CACNA2D3: variants seen among roughly 807,000 people sequenced by gnomAD.
CACNA2D3 encodes calcium voltage-gated channel auxiliary subunit alpha2delta 3.
A neutral mutation model predicts 160.6 loss-of-function variants in CACNA2D3; 60 were observed. The ratio of observed to expected loss-of-function variants is 0.37; its 90% CI spans 0.30 to 0.46. The LOEUF (loss-of-function observed/expected upper bound fraction) is 0.46, where lower values mean the gene tolerates loss of function less well. Ranked by LOEUF, CACNA2D3 falls within the 20% of genes least tolerant of loss-of-function variation. The probability of loss-of-function intolerance (pLI) is 1.00; values close to 1 mark genes in which losing one functional copy is unlikely to be tolerated. For missense variants in CACNA2D3, 1,205 were observed against 1,365.0 expected, an observed-to-expected ratio of 0.88 and a Z score of 1.85; for synonymous variants, 558 against 492.9, an observed-to-expected ratio of 1.13 and a Z score of -1.75.
intron 34 of CACNA2D3, among the ~76,000 whole-genome samples, chr3:55,017,441 TATTATC>T (rs753760193): frequency 1.7e-4 from 26 of 152,228 alleles, no homozygotes; most frequent in Non-Finnish European, 3.4e-4. Flanking sequence ...TTGCTATTAT[TATTATC>T]ATTATTTGAC....
At chr3:54,385,776 G>T in intron 3 of CACNA2D3, 1 of 389,280 alleles carries the variant, frequency 2.6e-6, no homozygotes, top group Non-Finnish European at 4.9e-6. Context: ...TTAAACTCAG[G>T]CCTATATTAT....
Position 55,073,495 on chromosome 3 carries a change from T to C in CACNA2D3, c.3038T>C (p.Val1013Ala), listed in dbSNP as rs1704864531. Residue 1013 changes from valine to alanine, a missense_variant, in exon 36 of 38, where the codon GTG becomes GCG. By Grantham distance (64) the Val-to-Ala change is moderately conservative. This residue lies in a region of CACNA2D3 where 911 missense variants were observed against 1,002.2 expected (regional missense o/e 0.91). Coordinates refer to ENST00000474759, the MANE Select transcript of CACNA2D3 (RefSeq NM_018398.3). ...IPSSNLFMVV[V>A]DSSCLCESVA... ...AGCAGCAACCTGTTCATGGTGGTGGTGGACAGCAGCTGCCTCTGTGAATCT... is the reference window on the plus strand; with the variant it reads ...AGCAGCAACCTGTTCATGGTGGTGGCGGACAGCAGCTGCCTCTGTGAATCT... 6.2e-7 allele frequency: 1 copy of C among 1,613,930 alleles called. No homozygotes were observed. Among genetic ancestry groups the C allele is most frequent in the African/African-American group, 1.3e-5 (1 of 75,026 alleles).
chr3:54,890,887 T>C (rs1575534354), intron 24 of CACNA2D3, among the ~76,000 whole-genome samples: 1 of 152,324 alleles, frequency 6.6e-6, no homozygotes, highest in Middle Eastern at 3.4e-3. Context: ...TGCTGCAAAC[T>C]TGGTTCCATG....
intron 2 of CACNA2D3, among the ~76,000 whole-genome samples, chr3:54,240,394 T>A (rs778997400): frequency 4.6e-5 from 7 of 152,144 alleles, no homozygotes; most frequent in Non-Finnish European, 1.0e-4. Flanking sequence ...AATTACTAGA[T>A]ATAATAATGC....
At chr3:54,715,054 C>T (rs1701026446) in intron 11 of CACNA2D3, among the ~76,000 whole-genome samples, 2 of 152,124 alleles carry the variant, frequency 1.3e-5, no homozygotes, top group African/African-American at 4.8e-5. Context: ...ACACTATCTA[C>T]CTGGAGACAG....
intron 11 of CACNA2D3, among the ~76,000 whole-genome samples, chr3:54,736,083 GTATGTGTATATAT>G (rs1559563704): frequency 0.016 from 548 of 34,218 alleles, 49 homozygotes; most frequent in Non-Finnish European, 0.022. Flanking sequence ...ACATATATAT[GTATGTGTATATAT>G]ATACATATAT....
At chr3:54,984,479 C>A in intron 29 of CACNA2D3, 129 bp from the exon 30 acceptor site, 1 of 657,636 alleles carries the variant, frequency 1.5e-6, no homozygotes, top group East Asian at 2.8e-5. Context: ...TTGCAATTGC[C>A]TGAAAACAAT....
At chr3:54,429,448 G>T (rs969234984) in intron 4 of CACNA2D3, among the ~76,000 whole-genome samples, 1 of 152,002 alleles carries the variant, frequency 6.6e-6, no homozygotes, top group African/African-American at 2.4e-5. Flanking sequence ...CTGATTTGGG[G>T]AGGAGGGACT....
intron 31 of CACNA2D3, among the ~76,000 whole-genome samples, chr3:54,995,946 C>T (rs1412081038): frequency 2.0e-5 from 3 of 152,178 alleles, no homozygotes; most frequent in Non-Finnish European, 4.4e-5. Context: ...CCAATGCGGT[C>T]CTGAACACAG....
intron 2 of CACNA2D3, among the ~76,000 whole-genome samples, chr3:54,311,624 A>T (rs1405465129): frequency 6.6e-6 from 1 of 152,200 alleles, no homozygotes; most frequent in African/African-American, 2.4e-5. Context: ...AGGCACACAG[A>T]CCAGCCGTGC....
intron 11 of CACNA2D3, among the ~76,000 whole-genome samples, chr3:54,725,513 A>G (rs906312750): frequency 1.3e-5 from 2 of 152,210 alleles, no homozygotes; most frequent in African/African-American, 4.8e-5. Flanking sequence ...AAAAATCTTC[A>G]ATAAAAAACT....
chr3:55,067,007 C>T (rs1014759308), intron 35 of CACNA2D3, among the ~76,000 whole-genome samples: 7 of 152,048 alleles, frequency 4.6e-5, no homozygotes, highest in Non-Finnish European at 7.3e-5. Context: ...GCTAACATTG[C>T]CCAGGCCCCT....
intron 31 of CACNA2D3, among the ~76,000 whole-genome samples, chr3:54,995,028 C>T (rs188876666): frequency 6.6e-6 from 1 of 152,160 alleles, no homozygotes; most frequent in East Asian, 1.9e-4. Context: ...GGCTGGAGTG[C>T]AATGGTGCAA....
chr3:54,772,389 A>T (rs1702336891), intron 13 of CACNA2D3, among the ~76,000 whole-genome samples: 1 of 152,092 alleles, frequency 6.6e-6, no homozygotes, highest in Non-Finnish European at 1.5e-5. Context: ...ACATTGATCC[A>T]TAGTTTTGGT....
chr3:54,924,615 T>A (rs1325028839), intron 27 of CACNA2D3: 1 of 1,609,860 alleles, frequency 6.2e-7, no homozygotes, highest in East Asian at 2.2e-5. Flanking sequence ...TAGACATGAC[T>A]GACCTTTATA....
chr3:54,307,146 G>A (rs1191887677), intron 2 of CACNA2D3, among the ~76,000 whole-genome samples: 1 of 152,036 alleles, frequency 6.6e-6, no homozygotes, highest in Non-Finnish European at 1.5e-5. Context: ...ATTATTTCTG[G>A]GTTCTTTTGT....
chr3:54,648,561 G>C (rs1233895828), intron 11 of CACNA2D3, among the ~76,000 whole-genome samples: 1 of 152,234 alleles, frequency 6.6e-6, no homozygotes, highest in Non-Finnish European at 1.5e-5. Flanking sequence ...ACAGAAGATG[G>C]TAATGACGGT....
chr3:55,072,533 T>A (rs546217131), intron 35 of CACNA2D3, among the ~76,000 whole-genome samples: 1 of 152,360 alleles, frequency 6.6e-6, no homozygotes, highest in African/African-American at 2.4e-5. Context: ...TTGGAGAAAC[T>A]GACAATTTTG....
At chr3:54,406,645 A>G (rs934781635) in intron 4 of CACNA2D3, among the ~76,000 whole-genome samples, 2 of 152,172 alleles carry the variant, frequency 1.3e-5, no homozygotes, top group African/African-American at 4.8e-5. Flanking sequence ...AGAATAAAAC[A>G]TTCATTACCA....
Sources: allele counts gnomAD v4.1 joint callset (sites outside exome capture counted in the v4.1 genomes callset), GRCh38; gene constraint gnomAD v4.1.1; regional missense constraint gnomAD v4.1.1; transcripts MANE v1.5; gene names NCBI Gene and HGNC (gene_info 2026-07-23, HGNC 2026-07-21).